TMEM184C: variants seen among roughly 807,000 people sequenced by gnomAD.
The protein encoded by TMEM184C is transmembrane protein 184C.
TMEM184C carries 25 observed loss-of-function variants against 54.5 expected under a neutral mutation model. That is an observed-to-expected ratio of 0.46 (90% CI 0.33 to 0.64). The LOEUF is 0.64. TMEM184C is among the 30% of genes least tolerant of loss of function. The pLI, the probability that TMEM184C is intolerant of heterozygous loss-of-function variation, is 0.02. For missense variants in TMEM184C, 335 were observed against 520.3 expected (o/e 0.64, Z 3.46); for synonymous variants, 148 against 181.5 (o/e 0.82, Z 1.49).
At position 147,634,690 on chromosome 4, in the gene TMEM184C, A is replaced by C; in HGVS notation, c.*256A>C. On this transcript the variant is annotated 3_prime_UTR_variant, in exon 10 of 10. Transcript: ENST00000296582. The stretch of plus-strand genomic sequence containing the variant: ...AATGGTAGACAATGACCCCAACTAA[A>C]TCTTCCTGATGTTACACTGCTTTAT... 5 of 386,130 alleles carry C rather than the reference A, an allele frequency of 1.3e-5. No homozygotes were observed. Among genetic ancestry groups the C allele is most frequent in the Non-Finnish European group, 1.9e-5 (4 of 215,816 alleles). 23.9% of individuals were successfully genotyped at this position (386,130 alleles called of 1,614,324 possible).
intron 1 of TMEM184C, among the ~76,000 whole-genome samples, chr4:147,622,079 G>A (rs1385639673): frequency 6.6e-6 from 1 of 150,562 alleles, no homozygotes; most frequent in East Asian, 2.0e-4. Flanking sequence ...TGACCTTCTG[G>A]GCTCAAGTGA....
chr4:147,632,243 T>C (rs566457112), intron 7 of TMEM184C, among the ~76,000 whole-genome samples: 1 of 151,076 alleles, frequency 6.6e-6, no homozygotes, highest in East Asian at 1.9e-4. Context: ...ACACCAAATT[T>C]AACAAGCTAG....
In TMEM184C at chr4:147,636,089, A is replaced by C. The variant is rs1388767488; in HGVS notation, c.*1655A>C. 6.6e-6 allele frequency: 1 copy of C among 152,184 alleles called. No homozygotes were observed. The highest frequency in any genetic ancestry group is 1.9e-4 in the East Asian group (1 of 5,192). 9.4% of individuals were successfully genotyped at this position (152,184 alleles called of 1,614,324 possible). On this transcript the variant is annotated 3_prime_UTR_variant, in exon 10 of 10. Transcript: ENST00000296582. ...AATTCAGAATCAATGCAATCCTATC[A>C]AAATTCCAATGGCATTATTTACACA...
Position 147,623,920 on chromosome 4 carries a change from C to CTTAAA in TMEM184C, c.213_214insAATTA (p.Val72AsnfsTer2). On this transcript the variant is annotated frameshift_variant, in exon 2 of 10. Coordinates refer to ENST00000296582, the MANE Select transcript of TMEM184C (RefSeq NM_018241.3). LOFTEE classifies it high-confidence loss of function. Reference sequence around the variant, plus strand: ...TATCACTGTGGGTGATATTGCAACACTTAGTGCATTATACACAACCTGAAC... The same window carrying CTTAAA: ...TATCACTGTGGGTGATATTGCAACACTTAAATTAGTGCATTATACACAACCTGAAC... 3 of 1,613,780 alleles carry CTTAAA rather than the reference C, an allele frequency of 1.9e-6. No homozygotes were observed. Among genetic ancestry groups the CTTAAA allele is most frequent in the Non-Finnish European group, 1.7e-6 (2 of 1,179,756 alleles).
intron 4 of TMEM184C, 32 bp downstream of exon 4, chr4:147,625,041 T>C (rs1354909621): frequency 6.2e-7 from 1 of 1,609,826 alleles, no homozygotes; most frequent in African/African-American, 1.3e-5. Context: ...CTTTTATGTT[T>C]TGGTTTTTCA....
rs527848827 is a variant in TMEM184C, at chr4:147,636,677, A to G, written c.*2243A>G. 6.6e-6 allele frequency: 1 copy of G among 152,370 alleles called. No homozygotes were observed. The highest frequency in any genetic ancestry group is 1.9e-4 in the East Asian group (1 of 5,190). The allele number at this position is 152,370 out of a possible 1,614,324, so 9.4% of individuals were successfully genotyped here. ...TAAAAGAAACAGTCAACAAAATGAA[A>G]CAGTAGCCTACAGATTGAGTAAAAA... On this transcript the variant is annotated 3_prime_UTR_variant, in exon 10 of 10. Coordinates refer to ENST00000296582, the MANE Select transcript of TMEM184C (RefSeq NM_018241.3).
In TMEM184C at chr4:147,635,729, A is replaced by G. The variant is rs1025998917; in HGVS notation, c.*1295A>G. 1.3e-5 allele frequency: 2 copies of G among 152,134 alleles called. No individual in the cohort carries two copies. Among genetic ancestry groups the G allele is most frequent in the African/African-American group, 4.8e-5 (2 of 41,450 alleles). 9.4% of individuals were successfully genotyped at this position (152,134 alleles called of 1,614,324 possible). The stretch of plus-strand genomic sequence containing the variant: ...TAAAACTAAAACTGGGCTCTATGTA[A>G]AAACCCCAAAGATACACACACAAAA... On this transcript the variant is annotated 3_prime_UTR_variant, in exon 10 of 10. Coordinates refer to ENST00000296582, the MANE Select transcript of TMEM184C (RefSeq NM_018241.3).
At chr4:147,626,805 GGAA>G (rs1449159334) in intron 4 of TMEM184C, among the ~76,000 whole-genome samples, 33 of 152,198 alleles carry the variant, frequency 2.2e-4, no homozygotes, top group African/African-American at 7.0e-4. Flanking sequence ...ATGCAATGAA[GGAA>G]GAAGGACAGG....
At chr4:147,622,269 G>A (rs886807064) in intron 1 of TMEM184C, among the ~76,000 whole-genome samples, 6 of 152,002 alleles carry the variant, frequency 3.9e-5, no homozygotes, top group Non-Finnish European at 8.8e-5. Flanking sequence ...TAATAAAGGA[G>A]ATCTAGAATA....
intron 4 of TMEM184C, among the ~76,000 whole-genome samples, chr4:147,626,384 G>A (rs1006644126): frequency 6.6e-5 from 10 of 152,160 alleles, no homozygotes; most frequent in Non-Finnish European, 1.2e-4. Context: ...AGATGGAGTC[G>A]GTTTAAGTTA....
chr4:147,631,321 T>C, intron 6 of TMEM184C, 72 bp from the exon 7 acceptor site: 1 of 1,148,428 alleles, frequency 8.7e-7, no homozygotes, highest in Non-Finnish European at 1.2e-6. Flanking sequence ...ACCAGGTCTC[T>C]GGTATGTAAC....
chr4:147,620,972 C>T (rs1487799528), intron 1 of TMEM184C, among the ~76,000 whole-genome samples: 1 of 152,206 alleles, frequency 6.6e-6, no homozygotes, highest in Non-Finnish European at 1.5e-5. Context: ...ATACCATAGC[C>T]TGAGTGGCTT....
chr4:147,628,331 T>C (rs759723553), intron 4 of TMEM184C, 30 bp from the exon 5 acceptor site: 3 of 1,573,974 alleles, frequency 1.9e-6, no homozygotes, highest in South Asian at 2.3e-5. Context: ...AAATGAGTAG[T>C]TGAAATTCTA....
At position 147,634,453 on chromosome 4, in the gene TMEM184C, CTG is replaced by C. The variant is rs1223427806; in HGVS notation, c.*22_*23del. On this transcript the variant is annotated 3_prime_UTR_variant, in exon 10 of 10. Transcript: ENST00000296582. The stretch of plus-strand genomic sequence containing the variant: ...TTCCTGAACAGTATGGAAAAGCAAA[CTG>C]TGCAACTACTACATTATATCATTAC... 1.9e-6 allele frequency: 3 copies of C among 1,610,058 alleles called. No individual in the cohort carries two copies. The highest frequency in any genetic ancestry group is 2.2e-5 in the South Asian group (2 of 90,414).
In TMEM184C at chr4:147,635,634, TAGAG is replaced by T. The variant is rs891437649; in HGVS notation, c.*1206_*1209del. 4 of 152,106 alleles carry T rather than the reference TAGAG, an allele frequency of 2.6e-5. No individual in the cohort carries two copies. Among genetic ancestry groups the T allele is most frequent in the Admixed American group, 1.3e-4 (2 of 15,264 alleles). 9.4% of individuals were successfully genotyped at this position (152,106 alleles called of 1,614,324 possible). On this transcript the variant is annotated 3_prime_UTR_variant, in exon 10 of 10. Coordinates refer to ENST00000296582, the MANE Select transcript of TMEM184C (RefSeq NM_018241.3). ...ACTCATTCATATCTATCTATATATATAGAGAGAGATAGTGGTTCACAGTAATCAT... is the reference window on the plus strand; with the variant it reads ...ACTCATTCATATCTATCTATATATATAGAGATAGTGGTTCACAGTAATCAT...
intron 4 of TMEM184C, among the ~76,000 whole-genome samples, chr4:147,626,945 C>T (rs367981316): frequency 6.6e-6 from 1 of 152,126 alleles, no homozygotes; most frequent in African/African-American, 2.4e-5. Flanking sequence ...AGGGGGTCAG[C>T]GAATGCAGAA....
Position 147,636,184 on chromosome 4 carries a change from A to G in TMEM184C, c.*1750A>G, listed in dbSNP as rs1733037375. 6.6e-6 allele frequency: 1 copy of G among 152,220 alleles called. No homozygotes were observed. The highest frequency in any genetic ancestry group is 1.5e-5 in the Non-Finnish European group (1 of 68,026). 9.4% of individuals were successfully genotyped at this position (152,220 alleles called of 1,614,324 possible). ...TGAATAGGCAAAAGAATACTGAGGA[A>G]AAAATGTTGGAGACATCACATTTCC... is the stretch of plus-strand genomic sequence containing the variant. On this transcript the variant is annotated 3_prime_UTR_variant, in exon 10 of 10. Transcript: ENST00000296582.
At position 147,631,464 on chromosome 4, in the gene TMEM184C, CA is replaced by C; in HGVS notation, c.741del (p.Lys247AsnfsTer5). Reference protein sequence around the residue: ...EELSPIQPVGKFLCVKLVVFV... With the variant: ...EELSPIQPVGXFLCVKLVVFV... Reference sequence around the variant, plus strand: ...AACTGAGCCCAATCCAACCTGTTGGCAAATTTCTTTGTGTAAAGCTGGTGGT... The same window carrying C: ...AACTGAGCCCAATCCAACCTGTTGGCAATTTCTTTGTGTAAAGCTGGTGGT... On this transcript the variant is annotated frameshift_variant, in exon 7 of 10. Coordinates refer to ENST00000296582, the MANE Select transcript of TMEM184C (RefSeq NM_018241.3). LOFTEE classifies it high-confidence loss of function. 1 of 1,608,196 alleles carries C rather than the reference CA, an allele frequency of 6.2e-7. No individual in the cohort carries two copies. The highest frequency in any genetic ancestry group is 1.1e-5 in the South Asian group (1 of 89,114).
intron 1 of TMEM184C, 135 bp from the exon 2 acceptor site, chr4:147,623,699 A>T: frequency 1.3e-6 from 1 of 748,550 alleles, no homozygotes; most frequent in Non-Finnish European, 2.1e-6. Context: ...GCTGGTTTCA[A>T]ACTCCTGGCC....
Sources: allele counts gnomAD v4.1 joint callset (sites outside exome capture counted in the v4.1 genomes callset), GRCh38; gene constraint gnomAD v4.1.1; transcripts MANE v1.5; gene names NCBI Gene and HGNC (gene_info 2026-07-23, HGNC 2026-07-21).